Variants in SHARPIN observed in about 807,000 individuals in gnomAD.
The protein encoded by SHARPIN is SHANK associated RH domain interactor.
SHARPIN carries 25 observed loss-of-function variants against 40.3 expected under a neutral mutation model. The observed-to-expected ratio is 0.62, with a 90% confidence interval of 0.45 to 0.87. The LOEUF (loss-of-function observed/expected upper bound fraction) is 0.87. Ranked by LOEUF, SHARPIN falls within the 40% of genes least tolerant of loss-of-function variation. The probability of loss-of-function intolerance (pLI) is 0.00; values close to 1 mark genes in which losing one functional copy is unlikely to be tolerated. For synonymous variants in SHARPIN, 274 were observed against 221.8 expected (o/e 1.24, Z -2.09); for missense variants, 551 against 516.1 (o/e 1.07, Z -0.66).
rs1229348700 is a variant in SHARPIN at position 144,099,531 on chromosome 8, A to C, written c.747T>G (p.Thr249=). The C allele has an allele frequency of 6.2e-7, 1 of 1,614,008 alleles. No homozygotes were observed. The highest frequency in any genetic ancestry group is 1.7e-5 in the Admixed American group (1 of 60,014). Residue 249 remains threonine, a synonymous_variant, in exon 5 of 9, where the codon ACT becomes ACG. Coordinates refer to ENST00000398712, the MANE Select transcript of SHARPIN (RefSeq NM_030974.4). The part of the protein sequence containing the change: ...HVALQVHPHC[T]VAALQEQVFS... Reference sequence around the variant, plus strand: ...CCACCTGCTCCTGGAGAGCTGCAACAGTGCAGTGGGGGTGGACCTGCAGGG... The same window carrying C: ...CCACCTGCTCCTGGAGAGCTGCAACCGTGCAGTGGGGGTGGACCTGCAGGG...
intron 1 of SHARPIN, 107 bp downstream of exon 1, chr8:144,103,446 C>A: frequency 8.0e-7 from 1 of 1,249,552 alleles, no homozygotes; most frequent in Non-Finnish European, 1.1e-6. Context: ...AGCAAAGAAA[C>A]ATAACTGCTT....
At chr8:144,102,794 G>A (rs1372978321) in intron 2 of SHARPIN, 14 of 605,214 alleles carry the variant, frequency 2.3e-5, no homozygotes, top group Middle Eastern at 4.5e-4. Context: ...CTTCCTGAGG[G>A]TTAAGGAAGT....
chr8:144,103,031 A>G lies in SHARPIN; in HGVS notation c.376+20T>C. On this transcript the variant is annotated intron_variant, in intron 2 of 8. Coordinates refer to ENST00000398712, the MANE Select transcript of SHARPIN (RefSeq NM_030974.4). The stretch of plus-strand genomic sequence containing the variant: ...CAAGGCTATTCCAAATTGTAATTGT[A>G]TCCATTACAGGGCACTGACCATTCT... 6.2e-7 allele frequency: 1 copy of G among 1,611,948 alleles called. No homozygotes were observed. Among genetic ancestry groups the G allele is most frequent in the Non-Finnish European group, 8.5e-7 (1 of 1,179,068 alleles).
intron 2 of SHARPIN, among the ~76,000 whole-genome samples, chr8:144,101,177 C>T (rs1268329977): frequency 6.6e-6 from 1 of 152,114 alleles, no homozygotes; most frequent in Non-Finnish European, 1.5e-5. Context: ...CTCCACCATT[C>T]TCATTCCCAC....
rs1289448471 is a variant in SHARPIN at position 144,099,002 on chromosome 8, AAG to A, written c.1048-10_1048-9del. 8 of 1,601,870 alleles carry A rather than the reference AAG, an allele frequency of 5.0e-6. No homozygotes were observed. Among genetic ancestry groups the A allele is most frequent in the African/African-American group, 2.7e-5 (2 of 73,936 alleles). On this transcript the variant is annotated splice_polypyrimidine_tract_variant and intron_variant, in intron 7 of 8. Transcript: ENST00000398712. ...AGGACAGGACCAGCTGGGCTGGGGG[AAG>A]AGAGACAGTTGTTGCTTCCCTGCTC...
chr8:144,102,275 CTTT>C (rs11433813), intron 2 of SHARPIN, among the ~76,000 whole-genome samples: 3 of 136,684 alleles, frequency 2.2e-5, no homozygotes, highest in Admixed American at 7.4e-5. Context: ...ATTCCATCTT[CTTT>C]TTTTTTTTTT....
intron 2 of SHARPIN, 170 bp downstream of exon 2, chr8:144,102,881 G>C: frequency 1.3e-6 from 1 of 778,162 alleles, no homozygotes; most frequent in Non-Finnish European, 2.1e-6. Context: ...GTAGGAGACT[G>C]ACTCCAGCAG....
chr8:144,100,089 G>A lies in SHARPIN; in HGVS notation c.377-20C>T. On this transcript the variant is annotated intron_variant, in intron 2 of 8. Coordinates refer to ENST00000398712, the MANE Select transcript of SHARPIN (RefSeq NM_030974.4). ...TGCTGCCTAGAGGTAAGATATGGGTGTGCTGTGCTGTGGCCTCTGTCCAGG... is the reference window on the plus strand; with the variant it reads ...TGCTGCCTAGAGGTAAGATATGGGTATGCTGTGCTGTGGCCTCTGTCCAGG... The A allele has an allele frequency of 6.5e-7, 1 of 1,548,200 alleles. No individual in the cohort carries two copies. The highest frequency in any genetic ancestry group is 8.7e-7 in the Non-Finnish European group (1 of 1,148,660).
At chr8:144,101,711 C>T (rs1211366295) in intron 2 of SHARPIN, among the ~76,000 whole-genome samples, 5 of 151,710 alleles carry the variant, frequency 3.3e-5, no homozygotes, top group South Asian at 2.1e-4. Context: ...CCACCGTGCC[C>T]GGCCCACTCA....
chr8:144,099,076 C>A lies in SHARPIN; in HGVS notation c.1047+5G>T. The A allele has an allele frequency of 6.4e-7, 1 of 1,569,938 alleles. No homozygotes were observed. The highest frequency in any genetic ancestry group is 8.6e-7 in the Non-Finnish European group (1 of 1,157,748). On this transcript the variant is annotated splice_donor_5th_base_variant and intron_variant, in intron 7 of 8. Transcript: ENST00000398712. ...CTGGCCCTCCCTGCCCAGTCCCGTGCCCACCTGGAGTGGACTGGGCAGGCT... is the reference window on the plus strand; with the variant it reads ...CTGGCCCTCCCTGCCCAGTCCCGTGACCACCTGGAGTGGACTGGGCAGGCT...
In SHARPIN at chr8:144,103,689, A is replaced by C. The variant is rs1474105920; in HGVS notation, c.65T>G (p.Leu22Trp). ...ASDLGSAAVL[L>W]AVHAAVRPLG... Reference sequence around the variant, plus strand: ...CGGCCTCACCGCGGCGTGCACAGCCAAGAGCACTGCGGCGGAGCCCAAGTC... The same window carrying C: ...CGGCCTCACCGCGGCGTGCACAGCCCAGAGCACTGCGGCGGAGCCCAAGTC... Residue 22 changes from leucine (L) to tryptophan (W), a missense_variant, in exon 1 of 9, where the codon TTG (leucine) becomes TGG (tryptophan). Transcript: ENST00000398712. 6.7e-7 allele frequency: 1 copy of C among 1,502,742 alleles called. No individual in the cohort carries two copies. The highest frequency in any genetic ancestry group is 8.8e-7 in the Non-Finnish European group (1 of 1,133,354). 93.1% of individuals were successfully genotyped at this position (1,502,742 alleles called of 1,614,324 possible).
chr8:144,102,952 G>C (rs1333870637), intron 2 of SHARPIN, 99 bp downstream of exon 2: 1 of 1,462,718 alleles, frequency 6.8e-7, no homozygotes, highest in Non-Finnish European at 9.5e-7. Flanking sequence ...AGCCTTCCCA[G>C]ACATCCAGCA....
chr8:144,100,012 G>C lies in SHARPIN; in HGVS notation c.434C>G (p.Pro145Arg). 1.9e-6 allele frequency: 3 copies of C among 1,604,204 alleles called. No individual in the cohort carries two copies. Among genetic ancestry groups the C allele is most frequent in the Non-Finnish European group, 2.6e-6 (3 of 1,175,068 alleles). Residue 145 changes from proline (P) to arginine (R), a missense_variant, in exon 3 of 9, where the codon CCC becomes CGC. Coordinates refer to ENST00000398712, the MANE Select transcript of SHARPIN (RefSeq NM_030974.4). Reference protein sequence around the residue: ...LGPEACPVSLPSPPEASTLKG... With the variant: ...LGPEACPVSLRSPPEASTLKG... Reference sequence around the variant, plus strand: ...GAGTGTGGAGGCTTCCGGGGGACTGGGCAGGGAGACAGGGCATGCTTCTGG... The same window carrying C: ...GAGTGTGGAGGCTTCCGGGGGACTGCGCAGGGAGACAGGGCATGCTTCTGG...
Position 144,099,597 on chromosome 8 carries a change from GTCT to G in SHARPIN, c.678_680del (p.Glu226del). The G allele has an allele frequency of 6.2e-7, 1 of 1,614,052 alleles. No homozygotes were observed. The highest frequency in any genetic ancestry group is 8.5e-7 in the Non-Finnish European group (1 of 1,179,982). On this transcript the variant is annotated inframe_deletion, in exon 5 of 9. Coordinates refer to ENST00000398712, the MANE Select transcript of SHARPIN (RefSeq NM_030974.4). ...ACGCGGCGGATGCGGCAGAGGCAGC[GTCT>G]TCAAGTGTGACCTGCAGCCTGTGCC... is the stretch of plus-strand genomic sequence containing the variant.
At position 144,099,165 on chromosome 8, in the gene SHARPIN, CCCGT is replaced by C; in HGVS notation, c.959_962del (p.Asp320GlyfsTer91). On this transcript the variant is annotated frameshift_variant, in exon 7 of 9. Transcript: ENST00000398712. LOFTEE classifies it high-confidence loss of function. ...ATGGGGGAAACAAGCGTCCAAGTTC[CCCGT>C]CCATCTTCTGGGGGTGCTGAGGGCT... The C allele has an allele frequency of 6.3e-7, 1 of 1,591,110 alleles. No homozygotes were observed. The highest frequency in any genetic ancestry group is 8.5e-7 in the Non-Finnish European group (1 of 1,170,036).
At position 144,099,356 on chromosome 8, in the gene SHARPIN, G is replaced by A; in HGVS notation, c.843C>T (p.Arg281=). 2 of 1,614,072 alleles carry A rather than the reference G, an allele frequency of 1.2e-6. No homozygotes were observed. Among genetic ancestry groups the A allele is most frequent in the South Asian group, 2.2e-5 (2 of 91,092 alleles). ...GCCGAACCCCGTAAGAGGCAAGGCT[G>A]CGCTCAGGCACACACAGGCACCGTC... ...VIGRCLCVPE[R]SLASYGVRQD... is the part of the protein sequence containing the mutation. The change falls in exon 6 of 9, where the codon CGC becomes CGT. Residue 281 remains arginine (R), a synonymous_variant. Transcript: ENST00000398712.
chr8:144,101,846 T>A (rs1836293670), intron 2 of SHARPIN, among the ~76,000 whole-genome samples: 1 of 152,018 alleles, frequency 6.6e-6, no homozygotes, highest in Non-Finnish European at 1.5e-5. Flanking sequence ...GCCAAAGGAG[T>A]ACCTGGGACA....
chr8:144,099,564 T>TGCAGAGGACGCGGCGGATGCG lies in SHARPIN; in HGVS notation c.693_713dup (p.Ala232_Ala238dup). On this transcript the variant is annotated inframe_insertion, in exon 5 of 9. Coordinates refer to ENST00000398712, the MANE Select transcript of SHARPIN (RefSeq NM_030974.4). ...GGGGGTGGACCTGCAGGGCAACGTG[T>TGCAGAGGACGCGGCGGATGCG]GCAGAGGACGCGGCGGATGCGGCAG... 1 of 1,614,082 alleles carries TGCAGAGGACGCGGCGGATGCG rather than the reference T, an allele frequency of 6.2e-7. No homozygotes were observed. Among genetic ancestry groups the TGCAGAGGACGCGGCGGATGCG allele is most frequent in the East Asian group, 2.2e-5 (1 of 44,886 alleles).
rs1836251834 is a variant in SHARPIN at position 144,099,858 on chromosome 8, A to T, written c.518-14T>A. The T allele has an allele frequency of 6.2e-7, 1 of 1,611,998 alleles. No individual in the cohort carries two copies. The highest frequency in any genetic ancestry group is 1.7e-5 in the Admixed American group (1 of 59,978). ...CTGCCAGCTCTTCTGCAGGGTAAGGAAAGGACAGCTGTCACCACTGGGGAC... is the reference window on the plus strand; with the variant it reads ...CTGCCAGCTCTTCTGCAGGGTAAGGTAAGGACAGCTGTCACCACTGGGGAC... On this transcript the variant is annotated splice_polypyrimidine_tract_variant and intron_variant, in intron 3 of 8. Transcript: ENST00000398712.
Sources: gnomAD v4.1 joint callset for allele counts (sites outside exome capture counted in the v4.1 genomes callset) on GRCh38, gnomAD v4.1.1 for gene constraint, MANE v1.5 for transcripts, NCBI Gene and HGNC (gene_info 2026-07-23, HGNC 2026-07-21) for gene names.